The following TPTE2 variants were observed in gnomAD, a reference collection of about 807,000 sequenced individuals.
The protein encoded by TPTE2 is phosphatidylinositol 3,4,5-trisphosphate 3-phosphatase TPTE2.
In TPTE2, 53 loss-of-function variants were observed where a neutral mutation model predicts 78.6. That is an observed-to-expected ratio of 0.67 (90% CI 0.54 to 0.85). The LOEUF is 0.85. Among genes scored for constraint, TPTE2 ranks in the 40% least tolerant of loss-of-function variants. The pLI, the probability that TPTE2 is intolerant of heterozygous loss-of-function variation, is 0.00. For missense variants in TPTE2, 461 were observed against 623.0 expected (o/e 0.74, Z 2.77); for synonymous variants, 175 against 206.2 (o/e 0.85, Z 1.30).
intron 1 of TPTE2, among the ~76,000 whole-genome samples, chr13:19,510,891 T>A (rs1351707587): frequency 1.3e-5 from 2 of 152,200 alleles, no homozygotes; most frequent in Non-Finnish European, 2.9e-5. Context: ...AGTTATCACA[T>A]AAATTCAAAG....
the TPTE2 span, chr13:19,561,267 C>G: frequency 1.8e-5 from 22 of 1,227,134 alleles, 2 homozygotes; most frequent in African/African-American, 3.0e-4. Flanking sequence ...TGGCGCTGGT[C>G]ACCTGACACG....
upstream of TPTE2, among the ~76,000 whole-genome samples, chr13:19,541,497 T>G (rs1011611496): frequency 1.3e-5 from 2 of 152,236 alleles, no homozygotes; most frequent in Admixed American, 1.3e-4. Flanking sequence ...GAAATCATGA[T>G]AGTGATTATC....
At chr13:19,532,382 T>G (rs1256599541) in intron 1 of TPTE2, among the ~76,000 whole-genome samples, 1 of 152,052 alleles carries the variant, frequency 6.6e-6, no homozygotes, top group Non-Finnish European at 1.5e-5. Flanking sequence ...AAGAGGGAGT[T>G]CATCCCTCTT....
At chr13:19,520,549 A>C (rs1427096224) in intron 1 of TPTE2, among the ~76,000 whole-genome samples, 1 of 151,656 alleles carries the variant, frequency 6.6e-6, no homozygotes, top group African/African-American at 2.4e-5. Context: ...ATCTTTTCAC[A>C]TAACTTTTGG....
intron 1 of TPTE2, among the ~76,000 whole-genome samples, chr13:19,519,162 G>A (rs1869992553): frequency 6.6e-6 from 1 of 152,116 alleles, no homozygotes. Flanking sequence ...GGAGGATAGA[G>A]AGAGTGAGTG....
At position 19,493,165 on chromosome 13, in the gene TPTE2, T is replaced by C. The variant is rs183560479; in HGVS notation, c.66-262A>G. ...CTAACAAATGCTACAATGAGACGAA[T>C]TGGAAACTCTGTTACAAAAAAAAAA... On this transcript the variant is annotated intron_variant, in intron 2 of 19. Transcript: ENST00000400230. Among the ~76,000 whole-genome samples, 289 of 100,674 alleles carry C rather than the reference T, an allele frequency of 2.9e-3. 2 individuals are homozygous for C. Among genetic ancestry groups the C allele is most frequent in the African/African-American group, 7.9e-3 (210 of 26,510 alleles). The allele number at this position is 100,674 out of a possible 152,430, so 66.0% of individuals were successfully genotyped here. A position where few individuals can be genotyped will look rare whatever the true frequency, so the allele number is the denominator to read the frequency against.
intron 10 of TPTE2, among the ~76,000 whole-genome samples, chr13:19,452,499 C>T (rs1878245163): frequency 6.6e-6 from 1 of 152,042 alleles, no homozygotes; most frequent in Non-Finnish European, 1.5e-5. Flanking sequence ...TACTCACTCA[C>T]CTTATAGATA....
At chr13:19,460,261 G>A (rs954628025) in intron 10 of TPTE2, among the ~76,000 whole-genome samples, 1 of 152,300 alleles carries the variant, frequency 6.6e-6, no homozygotes, top group South Asian at 2.1e-4. Context: ...ATGGTTTCCT[G>A]GGCAGGACTG....
Position 19,426,456 on chromosome 13 carries a change from T to C in TPTE2, c.1364A>G (p.Tyr455Cys), listed in dbSNP as rs757321338. The stretch of plus-strand genomic sequence containing the variant: ...GAAAAACTGCACTTTCACATCATCA[T>C]ACAGAGGTGGACCGTCATATACATT... The change falls in exon 18 of 20, where the codon TAT (tyrosine) becomes TGT (cysteine). Residue 455 changes from tyrosine (Y) to cysteine (C), a missense_variant. Physicochemically the swap from Tyr to Cys is radical, Grantham distance 194. Transcript: ENST00000400230. 21 of 1,607,380 alleles carry C rather than the reference T, an allele frequency of 1.3e-5. No homozygotes were observed. In the South Asian group the frequency reaches 2.2e-4, roughly 17 times the overall value.
At chr13:19,561,210 G>A in the TPTE2 span, 3 of 1,463,426 alleles carry the variant, frequency 2.0e-6, no homozygotes, top group Non-Finnish European at 2.8e-6. Context: ...AGGCCTGGCC[G>A]GCTCTGCCAT....
At chr13:19,474,570 G>C (rs1204579039) in intron 5 of TPTE2, among the ~76,000 whole-genome samples, 1 of 152,184 alleles carries the variant, frequency 6.6e-6, no homozygotes, top group African/African-American at 2.4e-5. Context: ...TTTCATCAGT[G>C]ACATTTTCAA....
intron 13 of TPTE2, among the ~76,000 whole-genome samples, chr13:19,448,069 C>G (rs1877949692): frequency 6.6e-6 from 1 of 152,104 alleles, no homozygotes; most frequent in African/African-American, 2.4e-5. Flanking sequence ...TGCCAAGAAT[C>G]CAAGATGGGG....
intron 1 of TPTE2, among the ~76,000 whole-genome samples, chr13:19,525,291 C>T (rs1593419618): frequency 6.6e-6 from 1 of 152,174 alleles, no homozygotes; most frequent in Non-Finnish European, 1.5e-5. Flanking sequence ...TACCTGACTT[C>T]AAACCATCTA....
At chr13:19,450,225 T>A in intron 12 of TPTE2, 38 bp downstream of exon 15, 1 of 1,610,574 alleles carries the variant, frequency 6.2e-7, no homozygotes, top group South Asian at 1.1e-5. Context: ...CCAATATATT[T>A]AGCCCTCTTC....
At chr13:19,467,420 C>G in intron 6 of TPTE2, 76 bp from the exon 10 acceptor site, 2 of 1,168,300 alleles carry the variant, frequency 1.7e-6, no homozygotes, top group Non-Finnish European at 2.3e-6. Context: ...AGACCACAAA[C>G]TACTGACTCA....
At chr13:19,553,268 C>T in the TPTE2 span, among the ~76,000 whole-genome samples, 1 of 152,270 alleles carries the variant, frequency 6.6e-6, no homozygotes, top group Non-Finnish European at 1.5e-5. Flanking sequence ...TTACATGTTT[C>T]AATAACTTAT....
intron 1 of TPTE2, among the ~76,000 whole-genome samples, chr13:19,497,167 T>C (rs917087698): frequency 1.1e-4 from 17 of 151,796 alleles, no homozygotes; most frequent in African/African-American, 3.9e-4. Flanking sequence ...GGAGTCTCGC[T>C]GATTGCTAGC....
chr13:19,478,589 G>C (rs905629390), intron 4 of TPTE2, among the ~76,000 whole-genome samples: 10 of 152,212 alleles, frequency 6.6e-5, no homozygotes, highest in Non-Finnish European at 1.3e-4. Context: ...AACCATTGTG[G>C]AAGACAGTGT....
chr13:19,505,304 C>T (rs535972493), upstream of TPTE2, among the ~76,000 whole-genome samples: 7 of 151,980 alleles, frequency 4.6e-5, no homozygotes, highest in East Asian at 1.9e-4. Context: ...CCACACCTGG[C>T]GAATTTTTGT....
Sources: allele counts gnomAD v4.1 joint callset (sites outside exome capture counted in the v4.1 genomes callset), GRCh38; gene constraint gnomAD v4.1.1; transcripts MANE v1.5; gene names NCBI Gene and HGNC (gene_info 2026-07-23, HGNC 2026-07-21).